Variants in IL15 observed in about 807,000 individuals in gnomAD.
The protein encoded by IL15 is interleukin 15, also known as interleukin-15.
A neutral mutation model predicts 19.6 loss-of-function variants in IL15; 11 were observed. The observed-to-expected ratio is 0.56, with a 90% CI of 0.35 to 0.93. IL15 has a LOEUF of 0.93. Ranked by LOEUF, IL15 falls within the 40% of genes least tolerant of loss-of-function variation. The probability of loss-of-function intolerance (pLI) is 0.01; values close to 1 mark genes in which losing one functional copy is unlikely to be tolerated. For synonymous variants in IL15, 58 were observed against 59.6 expected (o/e 0.97, Z 0.12); for missense variants, 197 against 186.5 (o/e 1.06, Z -0.33).
At chr4:141,662,681 C>G (rs145804146) in intron 2 of IL15, among the ~76,000 whole-genome samples, 1 of 151,958 alleles carries the variant, frequency 6.6e-6, no homozygotes, top group Admixed American at 6.6e-5. Flanking sequence ...ATGTAATTAC[C>G]GATGTATTTG....
chr4:141,695,794 T>G (rs899634210), intron 2 of IL15, among the ~76,000 whole-genome samples: 1 of 152,104 alleles, frequency 6.6e-6, no homozygotes, highest in Non-Finnish European at 1.5e-5. Flanking sequence ...TTGTATTGTT[T>G]CTTCAAATTT....
intron 2 of IL15, among the ~76,000 whole-genome samples, chr4:141,670,944 T>C (rs1728153198): frequency 6.6e-6 from 1 of 152,204 alleles, no homozygotes; most frequent in Non-Finnish European, 1.5e-5. Flanking sequence ...TTGGAGGGTC[T>C]GGGCTCATGT....
chr4:141,652,022 G>A (rs1442711701), intron 1 of IL15, among the ~76,000 whole-genome samples: 1 of 152,116 alleles, frequency 6.6e-6, no homozygotes, highest in East Asian at 1.9e-4. Flanking sequence ...TAATCCCACA[G>A]AAGGGATGAG....
At chr4:141,685,695 T>C (rs75475940) in intron 2 of IL15, among the ~76,000 whole-genome samples, 3,396 of 152,298 alleles carry the variant, frequency 0.022, 131 homozygotes, top group African/African-American at 0.076. Context: ...AATTTATAGC[T>C]ACAAATATAT....
At chr4:141,669,533 T>C (rs1490199795) in intron 2 of IL15, among the ~76,000 whole-genome samples, 1 of 152,202 alleles carries the variant, frequency 6.6e-6, no homozygotes, top group Non-Finnish European at 1.5e-5. Flanking sequence ...AGGGTGTTTC[T>C]GAGCCAAGGA....
At chr4:141,702,057 G>A (rs1033922796) in intron 2 of IL15, among the ~76,000 whole-genome samples, 1 of 152,190 alleles carries the variant, frequency 6.6e-6, no homozygotes, top group African/African-American at 2.4e-5. Flanking sequence ...ATGTACCAGG[G>A]TTGAACAAGG....
intron 2 of IL15, among the ~76,000 whole-genome samples, chr4:141,701,327 A>G (rs542732000): frequency 1.3e-5 from 2 of 150,568 alleles, no homozygotes; most frequent in Non-Finnish European, 3.0e-5. Context: ...TCTGACTTTA[A>G]TGTTTATATT....
intron 2 of IL15, among the ~76,000 whole-genome samples, chr4:141,684,128 C>T (rs1728632631): frequency 6.6e-6 from 1 of 152,154 alleles, no homozygotes; most frequent in South Asian, 2.1e-4. Context: ...AATTACGACC[C>T]AGCCTGTACC....
At chr4:141,647,902 C>T (rs998919430) in intron 1 of IL15, among the ~76,000 whole-genome samples, 1 of 151,900 alleles carries the variant, frequency 6.6e-6, no homozygotes, top group African/African-American at 2.4e-5. Context: ...GTTCATATTG[C>T]CTCTCCGGCA....
At position 141,729,959 on chromosome 4, in the gene IL15, C is replaced by T. The variant is rs756396405; in HGVS notation, c.353C>T (p.Ala118Val). Residue 118 changes from alanine (A) to valine (V), a missense_variant, in exon 7 of 8, where the codon GCA becomes GTA. By Grantham distance (64) the Ala-to-Val change is moderately conservative. Transcript: ENST00000320650. The part of the protein sequence containing the change: ...HDTVENLIIL[A>V]NNSLSSNGNV... ...ACAGTAGAAAATCTGATCATCCTAG[C>T]AAACAACAGTTTGTCTTCTAATGGG... 15 of 1,608,284 alleles carry T rather than the reference C, an allele frequency of 9.3e-6. No homozygotes were observed. The African/African-American group carries it at 2.0e-4, about 22-fold the overall frequency.
intron 2 of IL15, among the ~76,000 whole-genome samples, chr4:141,691,906 ACT>A (rs1728925215): frequency 6.6e-6 from 1 of 151,848 alleles, no homozygotes; most frequent in Admixed American, 6.6e-5. Flanking sequence ...CTCAGTGAAG[ACT>A]CTGTGTGGGG....
At chr4:141,651,736 G>C (rs1169951710) in intron 1 of IL15, among the ~76,000 whole-genome samples, 1 of 151,896 alleles carries the variant, frequency 6.6e-6, no homozygotes, top group Non-Finnish European at 1.5e-5. Context: ...AATTTTCTTT[G>C]TTCTCACTCC....
intron 7 of IL15, among the ~76,000 whole-genome samples, chr4:141,731,067 A>G (rs1446808255): frequency 6.6e-6 from 1 of 152,176 alleles, no homozygotes; most frequent in African/African-American, 2.4e-5. Context: ...CCTTAAGGGT[A>G]TCTAGGGACA....
chr4:141,697,606 G>A (rs918292958), intron 2 of IL15, among the ~76,000 whole-genome samples: 7 of 152,034 alleles, frequency 4.6e-5, no homozygotes, highest in African/African-American at 9.7e-5. Flanking sequence ...TTGGCAATAT[G>A]GTCATTTTCA....
chr4:141,657,274 G>A (rs1727641028), intron 2 of IL15, among the ~76,000 whole-genome samples: 1 of 152,020 alleles, frequency 6.6e-6, no homozygotes, highest in South Asian at 2.1e-4. Context: ...TTACAATACT[G>A]GAAGCTGCTC....
At chr4:141,646,869 G>T (rs1727243093) in intron 1 of IL15, among the ~76,000 whole-genome samples, 1 of 151,958 alleles carries the variant, frequency 6.6e-6, no homozygotes, top group Non-Finnish European at 1.5e-5. Context: ...ATGCAGTTTT[G>T]TTATTTTATT....
chr4:141,678,053 C>G (rs1047109844), intron 2 of IL15, among the ~76,000 whole-genome samples: 3 of 152,148 alleles, frequency 2.0e-5, no homozygotes, highest in Non-Finnish European at 4.4e-5. Flanking sequence ...GGAAACCAGT[C>G]TTAGTCCTAT....
chr4:141,690,295 A>G (rs1277318236), intron 2 of IL15, among the ~76,000 whole-genome samples: 2 of 152,160 alleles, frequency 1.3e-5, no homozygotes, highest in Non-Finnish European at 2.9e-5. Context: ...CCAGCGCAGA[A>G]AGGGGCTCCC....
intron 5 of IL15, among the ~76,000 whole-genome samples, chr4:141,725,593 C>T (rs1283056182): frequency 1.3e-5 from 2 of 152,252 alleles, no homozygotes; most frequent in South Asian, 4.1e-4. Flanking sequence ...GCAGCCCTAG[C>T]AGACTGATAT....
Sources: allele counts gnomAD v4.1 joint callset (sites outside exome capture counted in the v4.1 genomes callset), GRCh38; gene constraint gnomAD v4.1.1; transcripts MANE v1.5; gene names NCBI Gene and HGNC (gene_info 2026-07-23, HGNC 2026-07-21).